APP: variants seen among roughly 807,000 people sequenced by gnomAD.
The protein encoded by APP is amyloid-beta precursor protein.
Under a neutral mutation model 101.4 loss-of-function variants are expected in APP, and 31 were observed. The observed-to-expected ratio is 0.31, with a 90% CI of 0.23 to 0.41. The LOEUF is 0.41. Among genes scored for constraint, APP ranks in the 10% least tolerant of loss-of-function variants. The probability of loss-of-function intolerance (pLI) is 1.00; values close to 1 mark genes in which losing one functional copy is unlikely to be tolerated. For missense variants in APP, 839 were observed against 1,003.7 expected (o/e 0.84, Z 2.22); for synonymous variants, 366 against 364.4 (o/e 1.00, Z -0.05).
At chr21:25,945,218 T>C (rs1225858602) in intron 13 of APP, among the ~76,000 whole-genome samples, 1 of 152,152 alleles carries the variant, frequency 6.6e-6, no homozygotes. Flanking sequence ...CTAAATCAGT[T>C]CTCTTGCTAC....
intron 17 of APP, among the ~76,000 whole-genome samples, chr21:25,890,043 T>A (rs1387376338): frequency 6.6e-6 from 1 of 152,192 alleles, no homozygotes; most frequent in Non-Finnish European, 1.5e-5. Flanking sequence ...AAACCTATCT[T>A]ACACTGTTTT....
intron 1 of APP, among the ~76,000 whole-genome samples, chr21:26,139,109 C>CA (rs1601555309): frequency 6.6e-6 from 1 of 150,786 alleles, no homozygotes; most frequent in East Asian, 1.9e-4. Flanking sequence ...GCAGAGGCTA[C>CA]AAAAAACAAT....
At chr21:26,162,939 A>C (rs2063522019) in intron 1 of APP, among the ~76,000 whole-genome samples, 1 of 150,326 alleles carries the variant, frequency 6.7e-6, no homozygotes, top group South Asian at 2.1e-4. Context: ...AAAATCACCA[A>C]AAAATTGGCC....
intron 3 of APP, among the ~76,000 whole-genome samples, chr21:26,066,752 A>G (rs1306820444): frequency 6.6e-6 from 1 of 152,152 alleles, no homozygotes; most frequent in East Asian, 1.9e-4. Context: ...CACATCCCTA[A>G]GAGCCAAGCT....
intron 5 of APP, among the ~76,000 whole-genome samples, chr21:26,032,878 G>A (rs1329900298): frequency 6.6e-6 from 1 of 151,468 alleles, no homozygotes; most frequent in Non-Finnish European, 1.5e-5. Flanking sequence ...GCTGACTATA[G>A]GCTCAGAGCC....
At chr21:26,120,912 C>T (rs1349796555) in intron 1 of APP, among the ~76,000 whole-genome samples, 1 of 152,212 alleles carries the variant, frequency 6.6e-6, no homozygotes, top group Non-Finnish European at 1.5e-5. Flanking sequence ...ATTCATGCTA[C>T]TGCAATCACA....
intron 3 of APP, among the ~76,000 whole-genome samples, chr21:26,071,354 T>C (rs1270625379): frequency 2.0e-5 from 3 of 152,118 alleles, no homozygotes; most frequent in East Asian, 1.9e-4. Flanking sequence ...CATCTTCAGT[T>C]TCCCTCTCCA....
intron 1 of APP, among the ~76,000 whole-genome samples, chr21:26,152,758 G>T (rs913914390): frequency 6.6e-6 from 1 of 152,134 alleles, no homozygotes; most frequent in African/African-American, 2.4e-5. Context: ...GTTAAAAGTA[G>T]ATCTACCATT....
intron 5 of APP, among the ~76,000 whole-genome samples, chr21:26,035,022 A>G (rs2045038086): frequency 6.6e-6 from 1 of 152,160 alleles, no homozygotes; most frequent in Non-Finnish European, 1.5e-5. Context: ...ATGGTGGCTC[A>G]TGCCTGTAAT....
rs568682246 is a variant in APP at position 25,929,188 on chromosome 21, G to A, written c.1688-17226C>T. Among the ~76,000 whole-genome samples, 9 of 152,272 alleles carry A rather than the reference G, an allele frequency of 5.9e-5. No individual in the cohort carries two copies. The South Asian group carries it at 1.5e-3, about 25-fold the overall frequency. On this transcript the variant is annotated intron_variant, in intron 13 of 17. Transcript: ENST00000346798. ...GAAGACATTTCAAGGTGATTGTTAC[G>A]TGAAATTCTCTCTTCAAATCTGACT... is the stretch of plus-strand genomic sequence containing the variant.
intron 8 of APP, among the ~76,000 whole-genome samples, chr21:25,986,883 A>G (rs1340083869): frequency 6.6e-6 from 1 of 152,206 alleles, no homozygotes; most frequent in African/African-American, 2.4e-5. Flanking sequence ...AGAAAAAATT[A>G]CCCTATTTTA....
rs1020893568 is a variant in APP at position 25,881,012 on chromosome 21, C to T, written c.*658G>A. ...TATCAAAGACCCAAAGATACGTGGA[C>T]AAAAAAAGAAAAGCTTGAAGTCTCA... On this transcript the variant is annotated 3_prime_UTR_variant, in exon 18 of 18. Transcript: ENST00000346798. 3.6e-5 allele frequency: 5 copies of T among 139,000 alleles called. No homozygotes were observed. Among genetic ancestry groups the T allele is most frequent in the African/African-American group, 1.3e-4 (5 of 37,072 alleles). The allele number at this position is 139,000 out of a possible 1,614,324, so 8.6% of individuals were successfully genotyped here.
intron 16 of APP, among the ~76,000 whole-genome samples, chr21:25,896,352 T>G (rs2038042411): frequency 6.6e-6 from 1 of 152,176 alleles, no homozygotes; most frequent in Non-Finnish European, 1.5e-5. Context: ...TTTTAGAGAT[T>G]AATACTAGGA....
intron 16 of APP, among the ~76,000 whole-genome samples, chr21:25,897,349 C>T (rs539217546): frequency 2.2e-4 from 33 of 152,250 alleles, no homozygotes; most frequent in South Asian, 2.1e-4. Context: ...TTTCTGACCT[C>T]GTGATCCACC....
At chr21:25,990,763 G>A (rs11702083) in intron 8 of APP, among the ~76,000 whole-genome samples, 152,316 of 152,316 alleles carry the variant, frequency 1, 76,158 homozygotes, top group Non-Finnish European at 1. Flanking sequence ...TACCTCTACG[G>A]CATATCTGGG....
intron 13 of APP, among the ~76,000 whole-genome samples, chr21:25,913,192 A>G (rs1401656030): frequency 6.6e-6 from 1 of 152,256 alleles, no homozygotes; most frequent in Non-Finnish European, 1.5e-5. Flanking sequence ...TTCTGTTCAA[A>G]TATACCCATT....
intron 3 of APP, among the ~76,000 whole-genome samples, chr21:26,061,060 T>C (rs1350233067): frequency 6.6e-6 from 1 of 152,180 alleles, no homozygotes; most frequent in Non-Finnish European, 1.5e-5. Context: ...AAGGGGGCTC[T>C]GGCATTAATC....
intron 15 of APP, among the ~76,000 whole-genome samples, chr21:25,904,568 T>C (rs977888762): frequency 6.6e-6 from 1 of 152,190 alleles, no homozygotes; most frequent in Non-Finnish European, 1.5e-5. Context: ...CAGTAACTGA[T>C]TGAAGTTTGA....
intron 3 of APP, among the ~76,000 whole-genome samples, chr21:26,084,505 C>T (rs1330851550): frequency 1.4e-5 from 2 of 145,026 alleles, no homozygotes; most frequent in Non-Finnish European, 3.0e-5. Context: ...TCCCGAAGTT[C>T]TGGGATTACA....
Sources: allele counts gnomAD v4.1 joint callset (sites outside exome capture counted in the v4.1 genomes callset), GRCh38; gene constraint gnomAD v4.1.1; transcripts MANE v1.5; gene names NCBI Gene and HGNC (gene_info 2026-07-23, HGNC 2026-07-21).